Variants in ADCY6 observed in about 807,000 individuals in gnomAD.
ADCY6 encodes adenylate cyclase type 6.
Under a neutral mutation model 111.6 loss-of-function variants are expected in ADCY6, and 59 were observed. The observed-to-expected ratio is 0.53, with a 90% confidence interval of 0.43 to 0.66. The LOEUF (loss-of-function observed/expected upper bound fraction) is 0.66. ADCY6 is among the 30% of genes least tolerant of loss of function. ADCY6 has a pLI of 0.00. For synonymous variants in ADCY6, 576 were observed against 642.9 expected, an observed-to-expected ratio of 0.90 and a Z score of 1.57; for missense variants, 1,242 against 1,595.6, an observed-to-expected ratio of 0.78 and a Z score of 3.78.
At chr12:48,770,415 C>A (rs1289864716) in intron 20 of ADCY6, among the ~76,000 whole-genome samples, 1 of 152,174 alleles carries the variant, frequency 6.6e-6, no homozygotes, top group Non-Finnish European at 1.5e-5. Flanking sequence ...TCTTATTGGA[C>A]TGGTCACAGA....
At chr12:48,772,135 G>A in intron 18 of ADCY6, 160 bp downstream of exon 18, 1 of 1,381,620 alleles carries the variant, frequency 7.2e-7, no homozygotes, top group East Asian at 2.4e-5. Flanking sequence ...GCAGGTAGAG[G>A]ATGGGGCAGG....
intron 3 of ADCY6, 34 bp downstream of exon 3, chr12:48,778,074 G>A (rs962778671): frequency 1.9e-6 from 3 of 1,583,948 alleles, no homozygotes; most frequent in Non-Finnish European, 2.6e-6. Flanking sequence ...GGGGTAAGGT[G>A]GGGGCAGGCC....
chr12:48,779,876 G>C (rs1941798479), intron 2 of ADCY6, among the ~76,000 whole-genome samples: 1 of 152,126 alleles, frequency 6.6e-6, no homozygotes, highest in African/African-American at 2.4e-5. Context: ...TTTCCTCTTG[G>C]GTAAAACTGA....
chr12:48,779,035 G>A (rs896291191), intron 2 of ADCY6, among the ~76,000 whole-genome samples: 4 of 151,656 alleles, frequency 2.6e-5, no homozygotes, highest in African/African-American at 9.7e-5. Context: ...CTGCCACCAT[G>A]ACTGGCTAAT....
chr12:48,769,210 C>T (rs748553263), intron 20 of ADCY6, 149 bp from the exon 21 acceptor site: 10 of 808,836 alleles, frequency 1.2e-5, no homozygotes, highest in South Asian at 1.1e-4. Flanking sequence ...TAGTTCAAGA[C>T]GAGCCTGGCC....
At chr12:48,769,192 G>T in intron 20 of ADCY6, 131 bp from the exon 21 acceptor site, 1 of 1,007,782 alleles carries the variant, frequency 9.9e-7, no homozygotes, top group Middle Eastern at 2.3e-4. Context: ...TGGTTGTAAA[G>T]AACAATCTAG....
intron 1 of ADCY6, among the ~76,000 whole-genome samples, chr12:48,786,781 ACTTCAT>A (rs1365483438): frequency 1.3e-4 from 20 of 152,188 alleles, no homozygotes; most frequent in Non-Finnish European, 1.8e-4. Context: ...TCTTCAAAAT[ACTTCAT>A]TAGAAGCATG....
chr12:48,773,695 A>G (rs1324769804), intron 15 of ADCY6, 48 bp from the exon 16 acceptor site: 12 of 1,608,262 alleles, frequency 7.5e-6, no homozygotes, highest in African/African-American at 1.3e-5. Flanking sequence ...AGGCCACAGC[A>G]CCCTTGGGCA....
chr12:48,769,356 C>T (rs1289058294), intron 20 of ADCY6, among the ~76,000 whole-genome samples: 1 of 137,312 alleles, frequency 7.3e-6, no homozygotes. Context: ...TTTGAGGCTA[C>T]AGTGAGCTGT....
intron 18 of ADCY6, 99 bp downstream of exon 18, chr12:48,772,196 T>C (rs1202557591): frequency 6.7e-7 from 1 of 1,502,490 alleles, no homozygotes; most frequent in Non-Finnish European, 8.9e-7. Context: ...GGCCTAGGTG[T>C]GGCCTGAGCC....
At chr12:48,769,217 G>A (rs376751400) in intron 20 of ADCY6, among the ~76,000 whole-genome samples, 156 bp from the exon 21 acceptor site, 10 of 152,010 alleles carry the variant, frequency 6.6e-5, no homozygotes, top group East Asian at 1.9e-4. Flanking sequence ...AGACGAGCCT[G>A]GCCAACATGG....
rs369096510 is a variant in ADCY6, at chr12:48,782,663, G to T, written c.772C>A (p.Arg258=). 2 of 1,599,218 alleles carry T rather than the reference G, an allele frequency of 1.3e-6. No homozygotes were observed. The highest frequency in any genetic ancestry group is 1.3e-5 in the African/African-American group (1 of 74,700). The change falls in exon 2 of 22, where the codon CGG becomes AGG. Residue 258 remains arginine (R), a synonymous_variant. Coordinates refer to ENST00000357869, the MANE Select transcript of ADCY6 (RefSeq NM_015270.5). This position sits in a 1 kb window ranked among gnomAD's most constrained non-coding sequence, Gnocchi z 4.3. ...CCCAGGCCGCTGAGGACGGCAGCCC[G>T]CATGCGGATGGGGAGGAGCGTGTAG... ...IAYTLLPIRM[R]AAVLSGLGLS...
chr12:48,779,189 C>T (rs1030437276), intron 2 of ADCY6, among the ~76,000 whole-genome samples: 2 of 151,992 alleles, frequency 1.3e-5, no homozygotes, highest in African/African-American at 2.4e-5. Context: ...CGCACCTGGC[C>T]CCTAACACAT....
chr12:48,773,609 G>A lies in ADCY6; in HGVS notation c.2481C>T (p.Ser827=), dbSNP rs1396703989. The change falls in exon 16 of 22, where the codon AGC becomes AGT. Residue 827 remains serine (S), a synonymous_variant. Coordinates refer to ENST00000357869, the MANE Select transcript of ADCY6 (RefSeq NM_015270.5). ...IGNMLLSLLA[S]SVFLHISSIG... is the part of the protein sequence containing the mutation. ...TGCTGCTGATGTGCAGGAAGACAGAGCTGGCCAAGAGACTCAGCAGCATGT... is the reference window on the plus strand; with the variant it reads ...TGCTGCTGATGTGCAGGAAGACAGAACTGGCCAAGAGACTCAGCAGCATGT... 8.1e-6 allele frequency: 13 copies of A among 1,614,026 alleles called. No homozygotes were observed. The highest frequency in any genetic ancestry group is 9.3e-6 in the Non-Finnish European group (11 of 1,180,032).
intron 16 of ADCY6, among the ~76,000 whole-genome samples, 171 bp downstream of exon 16, chr12:48,773,298 G>C (rs756948247): frequency 6.6e-6 from 1 of 152,048 alleles, no homozygotes; most frequent in South Asian, 2.1e-4. Context: ...GTTTCCTTGG[G>C]GGTAACTATT....
intron 20 of ADCY6, among the ~76,000 whole-genome samples, chr12:48,770,516 ATCTC>A (rs1446643211): frequency 2.0e-5 from 3 of 152,172 alleles, no homozygotes; most frequent in Non-Finnish European, 4.4e-5. Flanking sequence ...AAGTTATTTA[ATCTC>A]TCTGAGAGTC....
At chr12:48,772,053 A>G in intron 18 of ADCY6, 80 bp from the exon 19 acceptor site, 1 of 1,523,600 alleles carries the variant, frequency 6.6e-7, no homozygotes, top group South Asian at 1.3e-5. Context: ...AAGTGCGGAT[A>G]AGAGGGAATC....
chr12:48,783,119 C>T lies in ADCY6; in HGVS notation c.316G>A (p.Val106Met), dbSNP rs376329779. 8 of 1,609,322 alleles carry T rather than the reference C, an allele frequency of 5.0e-6. No individual in the cohort carries two copies. Among genetic ancestry groups the T allele is most frequent in the African/African-American group, 2.7e-5 (2 of 74,900 alleles). Reference sequence around the variant, plus strand: ...CTCCTGGGCACCGCGTCGGGCGCCACCTCAGCCGTCCCGCCCGCTGTCGTT... The same window carrying T: ...CTCCTGGGCACCGCGTCGGGCGCCATCTCAGCCGTCCCGCCCGCTGTCGTT... Reference protein sequence around the residue: ...VTTTAGGTAEVAPDAVPRSGR... With the variant: ...VTTTAGGTAEMAPDAVPRSGR... Residue 106 changes from valine to methionine, a missense_variant, in exon 2 of 22, where the codon GTG becomes ATG. Transcript: ENST00000357869.
In ADCY6 at chr12:48,770,973, G is replaced by A; in HGVS notation, c.3052-3C>T. 1 of 1,613,588 alleles carries A rather than the reference G, an allele frequency of 6.2e-7. No individual in the cohort carries two copies. The highest frequency in any genetic ancestry group is 1.7e-5 in the Admixed American group (1 of 59,998). On this transcript the variant is annotated splice_region_variant and splice_polypyrimidine_tract_variant and intron_variant, in intron 19 of 21. Coordinates refer to ENST00000357869, the MANE Select transcript of ADCY6 (RefSeq NM_015270.5). ...CGGAACCGCTCCTCGCTGATAATCT[G>A]AACAACACAAGGAGACCTGGCTGTC...
Sources: gnomAD v4.1 joint callset for allele counts (sites outside exome capture counted in the v4.1 genomes callset) on GRCh38, gnomAD v4.1.1 for gene constraint, Gnocchi (gnomAD v3.1) non-coding constraint, MANE v1.5 for transcripts, NCBI Gene and HGNC (gene_info 2026-07-23, HGNC 2026-07-21) for gene names.